PPP6R2: variants seen among roughly 807,000 people sequenced by gnomAD.
The protein encoded by PPP6R2 is protein phosphatase 6 regulatory subunit 2.
A neutral mutation model predicts 100.2 loss-of-function variants in PPP6R2; 62 were observed. The observed-to-expected ratio is 0.62, with a 90% confidence interval of 0.50 to 0.76. The LOEUF (loss-of-function observed/expected upper bound fraction) is 0.76. Ranked by LOEUF, PPP6R2 falls within the 30% of genes least tolerant of loss-of-function variation. PPP6R2 has a pLI of 0.00. For synonymous variants in PPP6R2, 525 were observed against 514.7 expected (o/e 1.02, Z -0.27); for missense variants, 1,142 against 1,276.3 (o/e 0.89, Z 1.60).
intron 2 of PPP6R2, chr22:50,389,135 C>T (rs2054888565): frequency 6.6e-6 from 1 of 152,204 alleles, no homozygotes; most frequent in African/African-American, 2.4e-5. Flanking sequence ...AGATGTTGGT[C>T]ATACTGTGCT....
Position 50,351,026 on chromosome 22 carries a change from GTTT to G in PPP6R2, c.-148+7505_-148+7507del, listed in dbSNP as rs1195469509. ...TTTCTGAGCAGTAGGTCTCAACAGT[GTTT>G]TTTTTTTTTTTTTTTTTTTTTTTTT... On this transcript the variant is annotated intron_variant, in intron 1 of 23. Transcript: ENST00000612753. 1.8e-3 allele frequency among the ~76,000 whole-genome samples: 143 copies of G among 80,732 alleles called. 11 individuals carry two copies. Among genetic ancestry groups the G allele is most frequent in the African/African-American group, 5.6e-3 (110 of 19,540 alleles). 53.0% of individuals were successfully genotyped at this position (80,732 alleles called of 152,430 possible). A position where few individuals can be genotyped will look rare whatever the true frequency, so the allele number is the denominator to read the frequency against.
intron 12 of PPP6R2, among the ~76,000 whole-genome samples, chr22:50,432,680 G>A (rs1326272301): frequency 3.3e-5 from 5 of 152,220 alleles, no homozygotes; most frequent in African/African-American, 7.2e-5. Context: ...TCGCACACAG[G>A]GACGCGTTAT....
chr22:50,339,332 GTGTGTGGTA>G (rs1331869460), upstream of PPP6R2, among the ~76,000 whole-genome samples: 2 of 147,112 alleles, frequency 1.4e-5, no homozygotes, highest in East Asian at 4.2e-4. Flanking sequence ...TGTGTGTGGT[GTGTGTGGTA>G]TGTAGTGTGT....
In PPP6R2 at chr22:50,437,899, G is replaced by A; in HGVS notation, c.1838G>A (p.Ser613Asn). ...INFNIDADED[S>N]PSAALFEACC... The stretch of plus-strand genomic sequence containing the variant: ...TTCAACATCGACGCTGACGAGGACA[G>A]TGTGAGCAAGCCGGGCTGTGTGGGG... Residue 613 changes from serine to asparagine, a missense_variant and splice_region_variant, in exon 17 of 24, where the codon AGT becomes AAT. Physicochemically the swap from Ser to Asn is conservative, Grantham distance 46. Transcript: ENST00000612753. 1.3e-6 allele frequency: 2 copies of A among 1,557,236 alleles called. No individual in the cohort carries two copies. Among genetic ancestry groups the A allele is most frequent in the Non-Finnish European group, 1.7e-6 (2 of 1,150,470 alleles).
At chr22:50,337,401 T>C in the PPP6R2 span, among the ~76,000 whole-genome samples, 768 of 134,202 alleles carry the variant, frequency 5.7e-3, 3 homozygotes, top group Non-Finnish European at 9.2e-3. Flanking sequence ...GTAGTGTGTG[T>C]GTGCGATGTG....
In PPP6R2 at chr22:50,439,964, C is replaced by A; in HGVS notation, c.2289C>A (p.Ser763=). ...CTGTCCTCGTCCTTGTATGCAGCTC[C>A]GAGTCAGGGCCCAGGTGCAGCTCTC... ...KFTDFQPFCC[S]ESGPRCSSPV... The change falls in exon 21 of 24, where the codon TCC becomes TCA. Residue 763 remains serine, a synonymous_variant. Transcript: ENST00000612753. 6.2e-7 allele frequency: 1 copy of A among 1,613,402 alleles called. No homozygotes were observed. Among genetic ancestry groups the A allele is most frequent in the Non-Finnish European group, 8.5e-7 (1 of 1,179,782 alleles).
chr22:50,403,388 T>A (rs2058354134), intron 3 of PPP6R2, among the ~76,000 whole-genome samples: 1 of 152,202 alleles, frequency 6.6e-6, no homozygotes, highest in South Asian at 2.1e-4. Context: ...GGCCTCACTG[T>A]GGCCTTTGAG....
intron 19 of PPP6R2, among the ~76,000 whole-genome samples, chr22:50,438,998 C>T (rs1169245748): frequency 3.3e-5 from 5 of 152,210 alleles, no homozygotes; most frequent in African/African-American, 7.2e-5. Context: ...AGCCACGTTG[C>T]CAAGGCTGGT....
chr22:50,355,564 AG>A (rs1235245308), intron 1 of PPP6R2, among the ~76,000 whole-genome samples: 1 of 147,502 alleles, frequency 6.8e-6, no homozygotes, highest in Non-Finnish European at 1.5e-5. Context: ...TCTGTCGCCC[AG>A]GCTGGAGTGC....
intron 4 of PPP6R2, among the ~76,000 whole-genome samples, chr22:50,412,531 AC>A (rs1376841000): frequency 6.6e-6 from 1 of 151,358 alleles, no homozygotes; most frequent in Non-Finnish European, 1.5e-5. Context: ...AGGCCATTAA[AC>A]CTTCTCTGTA....
the PPP6R2 span, among the ~76,000 whole-genome samples, chr22:50,332,322 G>A: frequency 2.0e-5 from 3 of 151,156 alleles, no homozygotes; most frequent in African/African-American, 7.3e-5. Context: ...CCGCCTCCCA[G>A]GTTCACCCCC....
chr22:50,442,176 A>G (rs748508344), intron 22 of PPP6R2, among the ~76,000 whole-genome samples: 64 of 151,932 alleles, frequency 4.2e-4, no homozygotes, highest in South Asian at 4.2e-4. Context: ...CACCTGTACT[A>G]CCCTTCCCCC....
intron 1 of PPP6R2, among the ~76,000 whole-genome samples, chr22:50,355,823 G>C (rs1300045941): frequency 6.7e-6 from 1 of 148,538 alleles, no homozygotes; most frequent in Non-Finnish European, 1.5e-5. Flanking sequence ...GCCTGGCACA[G>C]CCTTATTCTT....
chr22:50,383,469 T>TACATAGTAG (rs1489268616), intron 2 of PPP6R2, among the ~76,000 whole-genome samples: 2 of 152,204 alleles, frequency 1.3e-5, no homozygotes, highest in Non-Finnish European at 2.9e-5. Flanking sequence ...AATAGCACCT[T>TACATAGTAG]ACATAGTAGA....
chr22:50,398,166 CTTTT>C (rs1203401826), intron 3 of PPP6R2, among the ~76,000 whole-genome samples: 8 of 131,188 alleles, frequency 6.1e-5, no homozygotes, highest in East Asian at 2.2e-4. Flanking sequence ...GACTCCATCT[CTTTT>C]TTTTTTTTTT....
upstream of PPP6R2, among the ~76,000 whole-genome samples, chr22:50,339,606 GGT>G (rs1238088780): frequency 9.5e-5 from 11 of 116,094 alleles, no homozygotes; most frequent in Admixed American, 5.3e-4. Context: ...TGGTGTGTGC[GGT>G]GTGTGTGGTA....
At chr22:50,339,374 C>T (rs866946068), upstream of PPP6R2, among the ~76,000 whole-genome samples, 117 of 31,492 alleles carry the variant, frequency 3.7e-3, no homozygotes, top group Non-Finnish European at 5.2e-3. Context: ...GTGTGGCTTG[C>T]GTGTGGTATG....
intron 2 of PPP6R2, chr22:50,393,567 GT>G (rs1320364964): frequency 1.0e-6 from 1 of 979,942 alleles, no homozygotes; most frequent in African/African-American, 1.8e-5. Context: ...AAAGGAGGGG[GT>G]TAGCCCAGAG....
chr22:50,404,697 C>A (rs1458401096), intron 3 of PPP6R2, among the ~76,000 whole-genome samples: 3 of 151,632 alleles, frequency 2.0e-5, no homozygotes, highest in Non-Finnish European at 2.9e-5. Context: ...CCCACCCTCC[C>A]AAAGTGCTGG....
Sources: allele counts gnomAD v4.1 joint callset (sites outside exome capture counted in the v4.1 genomes callset), GRCh38; gene constraint gnomAD v4.1.1; transcripts MANE v1.5; gene names NCBI Gene and HGNC (gene_info 2026-07-23, HGNC 2026-07-21).